The following DPP8 variants were observed in gnomAD, a reference collection of about 807,000 sequenced individuals.
The protein encoded by DPP8 is dipeptidyl peptidase 8.
Under a neutral mutation model 107.5 loss-of-function variants are expected in DPP8, and 31 were observed. The ratio of observed to expected loss-of-function variants is 0.29; its 90% CI spans 0.22 to 0.39. DPP8 has a LOEUF of 0.39. Among genes scored for constraint, DPP8 ranks in the 10% least tolerant of loss-of-function variants. DPP8 has a pLI of 1.00. For missense variants in DPP8, 842 were observed against 1,076.1 expected (o/e 0.78, Z 3.04); for synonymous variants, 381 against 356.6 (o/e 1.07, Z -0.77).
At chr15:65,484,830 CT>C (rs1482996847) in intron 8 of DPP8, among the ~76,000 whole-genome samples, 1 of 152,092 alleles carries the variant, frequency 6.6e-6, no homozygotes, top group Non-Finnish European at 1.5e-5. Flanking sequence ...CAATAACTAC[CT>C]TTTTTTCTTT....
At chr15:65,501,079 G>T (rs1025469244) in intron 3 of DPP8, among the ~76,000 whole-genome samples, 1 of 151,798 alleles carries the variant, frequency 6.6e-6, no homozygotes, top group African/African-American at 2.4e-5. Context: ...GGGTTTCACC[G>T]TGTTAGCCAG....
chr15:65,485,023 G>A, intron 8 of DPP8, 76 bp downstream of exon 8: 1 of 1,160,116 alleles, frequency 8.6e-7, no homozygotes, highest in Non-Finnish European at 1.3e-6. Flanking sequence ...AAATAAAAAA[G>A]TGTATCAAAG....
intron 3 of DPP8, among the ~76,000 whole-genome samples, chr15:65,505,729 C>A (rs2069881978): frequency 6.6e-6 from 1 of 150,940 alleles, no homozygotes; most frequent in African/African-American, 2.4e-5. Context: ...GGCGGTGGAT[C>A]ACTTGAGGCC....
chr15:65,506,720 T>C (rs1391612890), intron 3 of DPP8, among the ~76,000 whole-genome samples: 2 of 148,980 alleles, frequency 1.3e-5, no homozygotes, highest in East Asian at 1.9e-4. Context: ...TATATAAACA[T>C]ATATATGTTT....
At chr15:65,490,147 T>C (rs1430163298) in intron 6 of DPP8, 42 bp downstream of exon 6, 2 of 994,348 alleles carry the variant, frequency 2.0e-6, no homozygotes, top group Non-Finnish European at 3.2e-6. Context: ...ATCTTAACAA[T>C]ACTTTAATTG....
At chr15:65,484,081 C>A (rs2067179640) in intron 8 of DPP8, among the ~76,000 whole-genome samples, 2 of 152,096 alleles carry the variant, frequency 1.3e-5, no homozygotes, top group Admixed American at 6.6e-5. Context: ...GTAATCCCAG[C>A]ACTTTGGAAG....
intron 8 of DPP8, among the ~76,000 whole-genome samples, chr15:65,482,307 G>C (rs1469217490): frequency 6.6e-6 from 1 of 152,062 alleles, no homozygotes; most frequent in African/African-American, 2.4e-5. Flanking sequence ...ACACTGGAGA[G>C]TCTTCACTCT....
intron 12 of DPP8, among the ~76,000 whole-genome samples, chr15:65,471,657 A>G (rs2065909647): frequency 6.6e-6 from 1 of 151,820 alleles, no homozygotes; most frequent in African/African-American, 2.4e-5. Context: ...TGCCTAATTT[A>G]AAATTTTTTT....
At position 65,466,740 on chromosome 15, in the gene DPP8, C is replaced by G; in HGVS notation, c.1763G>C (p.Ser588Thr). ...PHCVSLYKLSSPEDDPTCKTK... is the reference protein window; with the variant it reads ...PHCVSLYKLSTPEDDPTCKTK... ...TTTGCAAGTTGGGTCATCTTCAGGACTTGATAGCTTGTAAAGGGACACACA... is the reference window on the plus strand; with the variant it reads ...TTTGCAAGTTGGGTCATCTTCAGGAGTTGATAGCTTGTAAAGGGACACACA... The change falls in exon 14 of 20, where the codon AGT (serine) becomes ACT (threonine). Residue 588 changes from serine (S) to threonine (T), a missense_variant. Physicochemically the swap from Ser to Thr is moderately conservative, Grantham distance 58 (BLOSUM62 1). This residue lies in a region of DPP8 where 663 missense variants were observed against 758.0 expected (regional missense o/e 0.87). Transcript: ENST00000300141. The G allele has an allele frequency of 6.2e-7, 1 of 1,613,996 alleles. No homozygotes were observed. Among genetic ancestry groups the G allele is most frequent in the Non-Finnish European group, 8.5e-7 (1 of 1,179,930 alleles).
intron 2 of DPP8, 92 bp downstream of exon 2, chr15:65,512,203 T>C (rs2070877224): frequency 7.9e-7 from 1 of 1,264,340 alleles, no homozygotes; most frequent in Admixed American, 2.0e-5. Context: ...CTGATTAATT[T>C]ATTCATCAAA....
chr15:65,512,287 G>A lies in DPP8; in HGVS notation c.259+8C>T, dbSNP rs1477173588. ...ATTTTCTCTCAGAAACTACAACTTC[G>A]TACTCACCAAGGTAATAGATTCTGT... On this transcript the variant is annotated splice_region_variant and intron_variant, in intron 2 of 19. Coordinates refer to ENST00000300141, the MANE Select transcript of DPP8 (RefSeq NM_130434.5). 5 of 1,601,486 alleles carry A rather than the reference G, an allele frequency of 3.1e-6. No individual in the cohort carries two copies. Among genetic ancestry groups the A allele is most frequent in the African/African-American group, 2.7e-5 (2 of 74,480 alleles).
Position 65,454,289 on chromosome 15 carries a change from A to G in DPP8, c.2245T>C (p.Leu749=), listed in dbSNP as rs763849985. Reference sequence around the variant, plus strand: ...CTGAAGATATCTGACCTCTGCATTAATGCCATCAGGGAGAGGTATCCTCCA... The same window carrying G: ...CTGAAGATATCTGACCTCTGCATTAGTGCCATCAGGGAGAGGTATCCTCCA... The part of the protein sequence containing the change: ...SYGGYLSLMA[L]MQRSDIFRVA... Residue 749 remains leucine, a synonymous_variant, in exon 17 of 20, where the codon TTA becomes CTA. Coordinates refer to ENST00000300141, the MANE Select transcript of DPP8 (RefSeq NM_130434.5). 6.4e-7 allele frequency: 1 copy of G among 1,568,166 alleles called. No homozygotes were observed. Among genetic ancestry groups the G allele is most frequent in the Non-Finnish European group, 8.6e-7 (1 of 1,164,790 alleles).
chr15:65,443,274 A>G lies in DPP8; in HGVS notation c.*3610T>C, dbSNP rs1483946970. The G allele has an allele frequency of 6.6e-6, 1 of 152,184 alleles. No individual in the cohort carries two copies. Among genetic ancestry groups the G allele is most frequent in the Non-Finnish European group, 1.5e-5 (1 of 68,038 alleles). 9.4% of individuals were successfully genotyped at this position (152,184 alleles called of 1,614,324 possible). On this transcript the variant is annotated 3_prime_UTR_variant, in exon 20 of 20. Transcript: ENST00000300141. ...GGAGTCCAGCACCAACTGGATACTAACTGGCTGTGTGGTCGTGGGTATATT... is the reference window on the plus strand; with the variant it reads ...GGAGTCCAGCACCAACTGGATACTAGCTGGCTGTGTGGTCGTGGGTATATT...
At chr15:65,498,066 T>C in intron 4 of DPP8, 34 bp from the exon 5 acceptor site, 1 of 1,500,276 alleles carries the variant, frequency 6.7e-7, no homozygotes, top group Non-Finnish European at 9.1e-7. Context: ...AGGTAAGTAT[T>C]AGGCTGACAC....
chr15:65,515,635 A>C, intron 1 of DPP8: 1 of 1,610,770 alleles, frequency 6.2e-7, no homozygotes, highest in Non-Finnish European at 8.5e-7. Flanking sequence ...TCGTCACTTA[A>C]GTAGTTTCCC....
intron 3 of DPP8, among the ~76,000 whole-genome samples, chr15:65,502,408 T>G (rs987569019): frequency 1.3e-5 from 2 of 152,074 alleles, no homozygotes; most frequent in Admixed American, 1.3e-4. Flanking sequence ...CTGGGCGTGG[T>G]GGCTCATGCC....
chr15:65,469,252 G>C (rs1401224910), intron 12 of DPP8, among the ~76,000 whole-genome samples: 2 of 151,838 alleles, frequency 1.3e-5, no homozygotes, highest in Non-Finnish European at 2.9e-5. Flanking sequence ...TGGGATTACA[G>C]GCATGAGCCA....
rs1228585533 is a variant in DPP8, at chr15:65,466,790, C to T, written c.1713G>A (p.Lys571=). ...AGTGTGGATTCTTCTGGTTACTATA[C>T]TTACTTATAAAGAAGTCACAGTGCT... ...ISQHCDFFIS[K]YSNQKNPHCV... is the part of the protein sequence containing the mutation. The change falls in exon 14 of 20, where the codon AAG becomes AAA. Residue 571 remains lysine (K), a synonymous_variant. Coordinates refer to ENST00000300141, the MANE Select transcript of DPP8 (RefSeq NM_130434.5). 2 of 1,613,714 alleles carry T rather than the reference C, an allele frequency of 1.2e-6. No homozygotes were observed. The highest frequency in any genetic ancestry group is 2.2e-5 in the East Asian group (1 of 44,874).
intron 19 of DPP8, among the ~76,000 whole-genome samples, chr15:65,449,232 A>AAC (rs1290782432): frequency 1.2e-4 from 17 of 144,448 alleles, no homozygotes; most frequent in African/African-American, 4.0e-4. Context: ...AATAAAAATA[A>AAC]ATATATATAT....
Sources: allele counts gnomAD v4.1 joint callset (sites outside exome capture counted in the v4.1 genomes callset), GRCh38; gene constraint gnomAD v4.1.1; regional missense constraint gnomAD v4.1.1; transcripts MANE v1.5; gene names NCBI Gene and HGNC (gene_info 2026-07-23, HGNC 2026-07-21).